Variants in ST3GAL6 observed in about 807,000 individuals in gnomAD.
ST3GAL6 encodes the protein type 2 lactosamine alpha-2,3-sialyltransferase.
In ST3GAL6, 31 loss-of-function variants were observed where a neutral mutation model predicts 40.5. That is an observed-to-expected ratio of 0.77 (90% CI 0.58 to 1.03). The LOEUF is 1.03. Among genes scored for constraint, ST3GAL6 ranks in the 50% least tolerant of loss-of-function variants. The pLI is 0.00. For synonymous variants in ST3GAL6, 129 were observed against 136.9 expected, an observed-to-expected ratio of 0.94 and a Z score of 0.40; for missense variants, 357 against 393.2, an observed-to-expected ratio of 0.91 and a Z score of 0.78.
At chr3:98,788,673 T>TC (rs35481801) in intron 8 of ST3GAL6, among the ~76,000 whole-genome samples, 9,337 of 152,174 alleles carry the variant, frequency 0.061, 346 homozygotes, top group Non-Finnish European at 0.072. Flanking sequence ...AGTTGGGTTT[T>TC]TTTCCTGCCC....
At chr3:98,782,358 A>C in intron 5 of ST3GAL6, 1 of 698,544 alleles carries the variant, frequency 1.4e-6, no homozygotes, top group East Asian at 2.7e-5. Context: ...GATAGGGAAA[A>C]TATCAGCAAT....
rs1184930671 is a variant in ST3GAL6, at chr3:98,788,209, T to A, written c.605T>A (p.Met202Lys). 6.2e-6 allele frequency: 10 copies of A among 1,609,728 alleles called. No homozygotes were observed. The highest frequency in any genetic ancestry group is 8.5e-6 in the Non-Finnish European group (10 of 1,177,856). ...HDLRWLLELL[M>K]GDKINTNGFW... ...TTAAGGTGGCTGTTGGAATTGTTGATGGGTGACAAAATAGTAAGTAGGCAA... is the reference window on the plus strand; with the variant it reads ...TTAAGGTGGCTGTTGGAATTGTTGAAGGGTGACAAAATAGTAAGTAGGCAA... The change falls in exon 7 of 10, where the codon ATG (methionine) becomes AAG (lysine). Residue 202 changes from methionine (M) to lysine (K), a missense_variant. By Grantham distance (95) the Met-to-Lys change is moderately conservative. Coordinates refer to ENST00000483910, the MANE Select transcript of ST3GAL6 (RefSeq NM_001323368.2).
chr3:98,781,106 A>G (rs550546840), intron 5 of ST3GAL6, among the ~76,000 whole-genome samples: 2 of 152,358 alleles, frequency 1.3e-5, no homozygotes, highest in Admixed American at 1.3e-4. Context: ...AGATTGAATA[A>G]AGAAAATGTG....
chr3:98,788,242 C>G lies in ST3GAL6; in HGVS notation c.618+20C>G. ...AAAATAGTAAGTAGGCAAAATTGTT[C>G]TGCCTTCAGATTACCTTTAGTGCTT... On this transcript the variant is annotated intron_variant, in intron 7 of 9. Transcript: ENST00000483910. 6.2e-7 allele frequency: 1 copy of G among 1,602,522 alleles called. No individual in the cohort carries two copies. The highest frequency in any genetic ancestry group is 1.1e-5 in the South Asian group (1 of 89,260).
In ST3GAL6 at chr3:98,748,203, ACTCT is replaced by A. The variant is rs570797985; in HGVS notation, c.-12+15672_-12+15675del. On this transcript the variant is annotated intron_variant, in intron 1 of 9. Coordinates refer to the ST3GAL6 transcript ENST00000265261. Reference sequence around the variant, plus strand: ...ATGAGGAAAGCTTCAAGTTGATCTCACTCTTGGGAAGCTTACAGGTTGGGAATAA... The same window carrying A: ...ATGAGGAAAGCTTCAAGTTGATCTCATGGGAAGCTTACAGGTTGGGAATAA... Among the ~76,000 whole-genome samples the A allele has an allele frequency of 1.6e-4, 24 of 152,278 alleles. No homozygotes were observed. In the East Asian group the frequency reaches 4.6e-3, roughly 29 times the overall value.
chr3:98,780,697 G>A (rs552645324), intron 5 of ST3GAL6, among the ~76,000 whole-genome samples: 2 of 152,172 alleles, frequency 1.3e-5, no homozygotes, highest in Non-Finnish European at 2.9e-5. Flanking sequence ...GGCTTATAGG[G>A]TATGTGGGTG....
intron 5 of ST3GAL6, chr3:98,782,759 C>A: frequency 2.0e-6 from 1 of 510,254 alleles, no homozygotes; most frequent in South Asian, 1.6e-5. Flanking sequence ...TCCAAGTGGT[C>A]TCATAATCAA....
chr3:98,776,653 G>T (rs1039737661), intron 5 of ST3GAL6, among the ~76,000 whole-genome samples: 3 of 152,156 alleles, frequency 2.0e-5, no homozygotes, highest in African/African-American at 7.2e-5. Flanking sequence ...TGCTGGCCTT[G>T]CTCTCTGCTC....
In ST3GAL6 at chr3:98,784,969, G is replaced by A; in HGVS notation, c.360G>A (p.Val120=). Residue 120 remains valine, a synonymous_variant, in exon 6 of 10, where the codon GTG becomes GTA. Coordinates refer to ENST00000483910, the MANE Select transcript of ST3GAL6 (RefSeq NM_001323368.2). ...FDNIPCKKCV[V]VGNGGVLKNK... is the part of the protein sequence containing the mutation. ...GCATACCCTGTAAAAAGTGTGTGGT[G>A]GTTGGTAATGGAGGAGTTTTGAAGA... is the stretch of plus-strand genomic sequence containing the variant. The A allele has an allele frequency of 6.2e-7, 1 of 1,613,200 alleles. No individual in the cohort carries two copies. The highest frequency in any genetic ancestry group is 8.5e-7 in the Non-Finnish European group (1 of 1,179,472).
chr3:98,757,159 T>C (rs1937484956), intron 1 of ST3GAL6, among the ~76,000 whole-genome samples: 3 of 152,224 alleles, frequency 2.0e-5, no homozygotes, highest in African/African-American at 7.2e-5. Flanking sequence ...GTTTTACCCA[T>C]GAATATATGC....
At chr3:98,766,590 T>A (rs911530521) in intron 1 of ST3GAL6, among the ~76,000 whole-genome samples, 1 of 152,008 alleles carries the variant, frequency 6.6e-6, no homozygotes, top group Non-Finnish European at 1.5e-5. Context: ...CCGGCTAATT[T>A]TTTTGCATTT....
At chr3:98,761,938 A>G (rs1440701169), upstream of ST3GAL6, among the ~76,000 whole-genome samples, 1 of 152,244 alleles carries the variant, frequency 6.6e-6, no homozygotes, top group Non-Finnish European at 1.5e-5. Flanking sequence ...ATTAAAGAAG[A>G]AAATTCTGCT....
Position 98,769,932 on chromosome 3 carries a change from T to C in ST3GAL6, c.90-947T>C, listed in dbSNP as rs562041637. On this transcript the variant is annotated intron_variant, in intron 2 of 9. Transcript: ENST00000483910. ...CCACCATATTTATGTATCTTCCTTA[T>C]GTATAAATCAAGGAGTCCTTGCCAT... Among the ~76,000 whole-genome samples, 250 of 152,346 alleles carry C rather than the reference T, an allele frequency of 1.6e-3. 3 individuals carry two copies. The highest frequency in any genetic ancestry group is 5.7e-3 in the African/African-American group (237 of 41,590).
intron 1 of ST3GAL6, among the ~76,000 whole-genome samples, chr3:98,752,464 ATTTT>A (rs894099900): frequency 8.0e-5 from 12 of 150,474 alleles, no homozygotes; most frequent in African/African-American, 2.9e-4. Flanking sequence ...TTCTTTTTAA[ATTTT>A]ATTTATTTAT....
chr3:98,762,322 A>C (rs1308755316), upstream of ST3GAL6, among the ~76,000 whole-genome samples: 2 of 152,020 alleles, frequency 1.3e-5, no homozygotes, highest in Non-Finnish European at 2.9e-5. Context: ...TACACAACTC[A>C]ATATTTTTGG....
chr3:98,746,229 C>T (rs926797942), intron 1 of ST3GAL6, among the ~76,000 whole-genome samples: 33 of 152,120 alleles, frequency 2.2e-4, no homozygotes, highest in Non-Finnish European at 2.9e-4. Context: ...AGCTTGGAAG[C>T]GTTTTCCTAA....
intron 1 of ST3GAL6, among the ~76,000 whole-genome samples, chr3:98,737,221 G>A (rs1045715418): frequency 1.3e-5 from 2 of 152,064 alleles, no homozygotes; most frequent in Admixed American, 1.3e-4. Flanking sequence ...GCTATTTTCT[G>A]TATTTTTTTT....
At chr3:98,766,634 G>T (rs1938379071) in intron 1 of ST3GAL6, among the ~76,000 whole-genome samples, 2 of 151,962 alleles carry the variant, frequency 1.3e-5, no homozygotes, top group Non-Finnish European at 2.9e-5. Flanking sequence ...TCTTGGCCAG[G>T]TTGGTATTGA....
upstream of ST3GAL6, among the ~76,000 whole-genome samples, chr3:98,761,808 A>G (rs774105080): frequency 3.9e-5 from 6 of 152,218 alleles, no homozygotes; most frequent in Non-Finnish European, 7.3e-5. Context: ...TTACTTGTGT[A>G]CTTGCAATGG....
Sources: allele counts gnomAD v4.1 joint callset (sites outside exome capture counted in the v4.1 genomes callset), GRCh38; gene constraint gnomAD v4.1.1; transcripts MANE v1.5; gene names NCBI Gene and HGNC (gene_info 2026-07-23, HGNC 2026-07-21).